Variants in MEGF9 observed in about 807,000 individuals in gnomAD.
MEGF9 encodes multiple epidermal growth factor-like domains protein 9.
In MEGF9, 6 loss-of-function variants were observed where a neutral mutation model predicts 46.8. The observed-to-expected ratio is 0.13, with a 90% CI of 0.07 to 0.25. The LOEUF is 0.25. MEGF9 is among the 10% of genes least tolerant of loss of function. The pLI is 1.00. For synonymous variants in MEGF9, 302 were observed against 330.7 expected, an observed-to-expected ratio of 0.91 and a Z score of 0.94; for missense variants, 683 against 792.4, an observed-to-expected ratio of 0.86 and a Z score of 1.66.
intron 2 of MEGF9, among the ~76,000 whole-genome samples, chr9:120,639,195 A>G (rs181447292): frequency 7.2e-5 from 11 of 152,136 alleles, no homozygotes; most frequent in African/African-American, 2.7e-4. Context: ...TTTGGAGAGT[A>G]TTTTAGTGAA....
chr9:120,669,914 G>A (rs185637516), intron 1 of MEGF9, among the ~76,000 whole-genome samples: 6 of 152,278 alleles, frequency 3.9e-5, no homozygotes, highest in Admixed American at 3.9e-4. Context: ...AGGAATTAGA[G>A]TTGGTTAAAC....
At chr9:120,633,139 T>G (rs537728267) in intron 2 of MEGF9, among the ~76,000 whole-genome samples, 2 of 152,234 alleles carry the variant, frequency 1.3e-5, no homozygotes, top group East Asian at 3.9e-4. Context: ...TTCTCTTTGA[T>G]TTTTTGGAAT....
chr9:120,685,368 A>T (rs567505430), intron 1 of MEGF9, among the ~76,000 whole-genome samples: 24 of 152,266 alleles, frequency 1.6e-4, no homozygotes, highest in African/African-American at 5.5e-4. Flanking sequence ...AGATGTTAAC[A>T]ATCTCGGATA....
rs1429060523 is a variant in MEGF9 at position 120,710,613 on chromosome 9, AATT to A, written c.601+3142_601+3144del. 3.9e-5 allele frequency among the ~76,000 whole-genome samples: 6 copies of A among 152,142 alleles called. No individual in the cohort carries two copies. In the East Asian group the frequency reaches 1.2e-3, roughly 29 times the overall value. Reference sequence around the variant, plus strand: ...CTCTCAGCTAGATCTCCATGAAAGAAATTATTATTAATTCAAAAAGCATCTATA... The same window carrying A: ...CTCTCAGCTAGATCTCCATGAAAGAAATTATTAATTCAAAAAGCATCTATA... On this transcript the variant is annotated intron_variant, in intron 1 of 5. Coordinates refer to ENST00000373930, the MANE Select transcript of MEGF9 (RefSeq NM_001080497.3).
At chr9:120,656,272 G>A (rs1469405569) in intron 2 of MEGF9, among the ~76,000 whole-genome samples, 2 of 152,256 alleles carry the variant, frequency 1.3e-5, no homozygotes, top group Non-Finnish European at 2.9e-5. Context: ...AGATGGCTGG[G>A]CACGGTGGCT....
At chr9:120,691,678 C>T (rs1419299348) in intron 1 of MEGF9, among the ~76,000 whole-genome samples, 1 of 152,150 alleles carries the variant, frequency 6.6e-6, no homozygotes, top group South Asian at 2.1e-4. Context: ...AAGTGCTTTA[C>T]CAACATCATC....
chr9:120,635,412 G>C (rs1476288817), intron 2 of MEGF9, among the ~76,000 whole-genome samples: 1 of 152,106 alleles, frequency 6.6e-6, no homozygotes, highest in Non-Finnish European at 1.5e-5. Flanking sequence ...GGTTTTCTAT[G>C]CCTTTTCCCT....
At chr9:120,710,983 A>C (rs78257938) in intron 1 of MEGF9, among the ~76,000 whole-genome samples, 263 of 152,344 alleles carry the variant, frequency 1.7e-3, no homozygotes, top group African/African-American at 6.0e-3. Flanking sequence ...CATCCTTCCA[A>C]GATTTTTTCA....
chr9:120,628,466 T>C (rs1245828270), intron 2 of MEGF9, among the ~76,000 whole-genome samples: 1 of 115,528 alleles, frequency 8.7e-6, no homozygotes, highest in African/African-American at 3.2e-5. Flanking sequence ...ATTCTTGTCG[T>C]TGTTTTTTTT....
At chr9:120,689,322 T>C (rs2132337240) in intron 1 of MEGF9, among the ~76,000 whole-genome samples, 1 of 152,228 alleles carries the variant, frequency 6.6e-6, no homozygotes, top group East Asian at 1.9e-4. Context: ...AGCATAGTAC[T>C]ATAGAGAACT....
At chr9:120,689,485 C>G (rs1400755009) in intron 1 of MEGF9, among the ~76,000 whole-genome samples, 2 of 151,974 alleles carry the variant, frequency 1.3e-5, no homozygotes, top group African/African-American at 4.8e-5. Flanking sequence ...ATTCTGGCTA[C>G]AGTGTGAAAA....
In MEGF9 at chr9:120,657,377, G is replaced by A. The variant is rs186981265; in HGVS notation, c.803+1997C>T. Among the ~76,000 whole-genome samples the A allele has an allele frequency of 2.3e-3, 357 of 152,318 alleles. 2 individuals carry two copies. The highest frequency in any genetic ancestry group is 8.3e-3 in the African/African-American group (346 of 41,564). On this transcript the variant is annotated intron_variant, in intron 2 of 5. Coordinates refer to ENST00000373930, the MANE Select transcript of MEGF9 (RefSeq NM_001080497.3). ...AAAGATAAATCAGGAATAATTTGCA[G>A]TAGAATTATGAATACAGTAAGATAG...
At chr9:120,697,373 G>A (rs573555925) in intron 1 of MEGF9, among the ~76,000 whole-genome samples, 5 of 151,634 alleles carry the variant, frequency 3.3e-5, no homozygotes, top group Admixed American at 1.3e-4. Context: ...GTGAGCTACC[G>A]CGCCCAGTCT....
At position 120,605,215 on chromosome 9, in the gene MEGF9, G is replaced by A. The variant is rs370355752; in HGVS notation, c.1784C>T (p.Thr595Met). 20 of 1,613,610 alleles carry A rather than the reference G, an allele frequency of 1.2e-5. No individual in the cohort carries two copies. Among genetic ancestry groups the A allele is most frequent in the East Asian group, 2.2e-5 (1 of 44,896 alleles). ...VAPNGQLTLT[T>M]PIHNYKA is the part of the protein sequence containing the mutation. ...TTAGGCTTTGTAGTTATGTATGGGC[G>A]TCGTCAGGGTCAGCTGCCCATTGGG... Residue 595 changes from threonine to methionine, a missense_variant, in exon 6 of 6, where the codon ACG (threonine) becomes ATG (methionine). Transcript: ENST00000373930. This position sits in a 1 kb window ranked among gnomAD's most constrained non-coding sequence, Gnocchi z 4.0.
intron 1 of MEGF9, among the ~76,000 whole-genome samples, chr9:120,689,110 A>G (rs958923655): frequency 3.3e-4 from 51 of 152,344 alleles, no homozygotes; most frequent in African/African-American, 1.0e-3. Flanking sequence ...ATATCGTGTG[A>G]TAAGTATTGA....
chr9:120,676,762 T>A (rs567012650), intron 1 of MEGF9, among the ~76,000 whole-genome samples: 1 of 152,314 alleles, frequency 6.6e-6, no homozygotes, highest in Non-Finnish European at 1.5e-5. Flanking sequence ...ACTATTATAA[T>A]AAAAATAATT....
intron 1 of MEGF9, among the ~76,000 whole-genome samples, chr9:120,685,566 A>G (rs1039913754): frequency 6.6e-6 from 1 of 152,168 alleles, no homozygotes; most frequent in African/African-American, 2.4e-5. Flanking sequence ...TTCACTTCTG[A>G]TTTCATACAT....
In MEGF9 at chr9:120,609,967, A is replaced by T. The variant is rs548135148; in HGVS notation, c.1088-1957T>A. Among the ~76,000 whole-genome samples, 6 of 152,284 alleles carry T rather than the reference A, an allele frequency of 3.9e-5. 1 individual carries two copies. In the South Asian group the frequency reaches 1.2e-3, roughly 32 times the overall value. ...TAACATTCAACCATTAAAAGTATAC[A>T]ATTCAATGGTTTTAGTATATTCCCA... On this transcript the variant is annotated intron_variant, in intron 4 of 5. Coordinates refer to ENST00000373930, the MANE Select transcript of MEGF9 (RefSeq NM_001080497.3).
chr9:120,707,807 C>G (rs2043935314), intron 1 of MEGF9, among the ~76,000 whole-genome samples: 1 of 152,164 alleles, frequency 6.6e-6, no homozygotes. Flanking sequence ...CTTTGGGAAG[C>G]TGAGGCAGGC....
Sources: gnomAD v4.1 joint callset for allele counts (sites outside exome capture counted in the v4.1 genomes callset) on GRCh38, gnomAD v4.1.1 for gene constraint, Gnocchi (gnomAD v3.1) non-coding constraint, MANE v1.5 for transcripts, NCBI Gene and HGNC (gene_info 2026-07-23, HGNC 2026-07-21) for gene names.